The following ANKRD44 variants were observed in gnomAD, a reference collection of about 807,000 sequenced individuals.
ANKRD44 encodes ankyrin repeat domain 44, also known as serine/threonine-protein phosphatase 6 regulatory ankyrin repeat subunit B.
In ANKRD44, 35 loss-of-function variants were observed where a neutral mutation model predicts 116.0. The observed-to-expected ratio is 0.30, with a 90% confidence interval of 0.23 to 0.40. ANKRD44 has a LOEUF of 0.40. Ranked by LOEUF, ANKRD44 falls within the 10% of genes least tolerant of loss-of-function variation. The pLI is 1.00. For synonymous variants in ANKRD44, 435 were observed against 461.8 expected (o/e 0.94, Z 0.74); for missense variants, 1,014 against 1,242.6 (o/e 0.82, Z 2.77).
intron 16 of ANKRD44, among the ~76,000 whole-genome samples, chr2:197,072,248 A>C (rs1275086633): frequency 1.3e-5 from 2 of 152,204 alleles, no homozygotes; most frequent in Non-Finnish European, 2.9e-5. Flanking sequence ...AAGTTTCCAC[A>C]TCAGAAGCAA....
At chr2:197,263,334 T>C (rs1244729048) in intron 1 of ANKRD44, 5 of 538,670 alleles carry the variant, frequency 9.3e-6, no homozygotes, top group African/African-American at 7.1e-5. Context: ...GCCAAGTTCA[T>C]TGGGGCTGGG....
rs532660229 is a variant in ANKRD44 at position 196,995,302 on chromosome 2, C to T, written c.2831+77G>A. Reference sequence around the variant, plus strand: ...TGTGCTCCCCAGAGCTAGTCTGGCACACAGCAGGCTCTTAATACTTATTGA... The same window carrying T: ...TGTGCTCCCCAGAGCTAGTCTGGCATACAGCAGGCTCTTAATACTTATTGA... On this transcript the variant is annotated intron_variant, in intron 26 of 27. Transcript: ENST00000282272. The T allele has an allele frequency of 4.8e-6, 5 of 1,047,196 alleles. No individual in the cohort carries two copies. In the East Asian group the frequency reaches 1.2e-4, roughly 25 times the overall value. The allele number at this position is 1,047,196 out of a possible 1,614,324, so 64.9% of individuals were successfully genotyped here.
At chr2:197,019,941 T>G (rs2076465597) in intron 17 of ANKRD44, among the ~76,000 whole-genome samples, 1 of 151,964 alleles carries the variant, frequency 6.6e-6, no homozygotes, top group South Asian at 2.1e-4. Flanking sequence ...AGATTACAGG[T>G]GCACGCCACC....
chr2:197,244,886 T>G (rs950089432), intron 1 of ANKRD44, among the ~76,000 whole-genome samples: 1 of 152,258 alleles, frequency 6.6e-6, no homozygotes, highest in Admixed American at 6.5e-5. Flanking sequence ...GAATTTACAG[T>G]TGGCCCTCCA....
At chr2:197,276,895 T>C in intron 1 of ANKRD44, among the ~76,000 whole-genome samples, 1 of 151,546 alleles carries the variant, frequency 6.6e-6, no homozygotes, top group Non-Finnish European at 1.5e-5. Context: ...GCCTGTCTCA[T>C]AAGGATGCTC....
At chr2:197,221,230 G>A (rs1427167064) in intron 1 of ANKRD44, among the ~76,000 whole-genome samples, 2 of 147,792 alleles carry the variant, frequency 1.4e-5, no homozygotes, top group East Asian at 2.0e-4. Flanking sequence ...CAGCCTGGGT[G>A]ACAAAGTGAG....
At chr2:197,118,615 A>AAGAAAGAG (rs1553512529) in intron 8 of ANKRD44, among the ~76,000 whole-genome samples, 903 of 76,420 alleles carry the variant, frequency 0.012, 4 homozygotes, top group Non-Finnish European at 0.018. Flanking sequence ...GAGAGAAAGA[A>AAGAAAGAG]AGAGAGAGAG....
At chr2:197,310,117 C>G (rs952502729) in intron 1 of ANKRD44, among the ~76,000 whole-genome samples, 2 of 152,222 alleles carry the variant, frequency 1.3e-5, no homozygotes, top group Non-Finnish European at 2.9e-5. Flanking sequence ...CCCGGCCACA[C>G]AAGAGCCGCA....
intron 16 of ANKRD44, among the ~76,000 whole-genome samples, chr2:197,056,388 G>C (rs547441125): frequency 6.6e-6 from 1 of 151,786 alleles, no homozygotes; most frequent in Non-Finnish European, 1.5e-5. Context: ...GTTTTTCTAC[G>C]TATTGAAACA....
At chr2:197,280,367 G>A (rs1294955779) in intron 1 of ANKRD44, among the ~76,000 whole-genome samples, 4 of 152,202 alleles carry the variant, frequency 2.6e-5, no homozygotes, top group African/African-American at 9.7e-5. Flanking sequence ...TCGGGAAACT[G>A]CTCGTAACAA....
At chr2:197,118,247 A>T (rs1419427115) in intron 8 of ANKRD44, among the ~76,000 whole-genome samples, 7 of 151,818 alleles carry the variant, frequency 4.6e-5, no homozygotes, top group African/African-American at 1.7e-4. Flanking sequence ...ATAATTTTTT[A>T]AAATTCTCAT....
At chr2:197,238,829 C>T (rs1177470047) in intron 1 of ANKRD44, among the ~76,000 whole-genome samples, 2 of 151,986 alleles carry the variant, frequency 1.3e-5, no homozygotes, top group South Asian at 4.1e-4. Flanking sequence ...CTCAGCCTCC[C>T]GGGTAGCTGG....
intron 27 of ANKRD44, among the ~76,000 whole-genome samples, chr2:196,993,297 C>T (rs549491991): frequency 2.8e-4 from 42 of 152,346 alleles, no homozygotes; most frequent in Admixed American, 5.2e-4. Context: ...CAACTTGAAA[C>T]TCTTAGTGTG....
At position 197,026,058 on chromosome 2, in the gene ANKRD44, A is replaced by AAAAC. The variant is rs1553489135; in HGVS notation, c.1651-795_1651-792dup. On this transcript the variant is annotated intron_variant, in intron 16 of 27. Coordinates refer to ENST00000282272, the MANE Select transcript of ANKRD44 (RefSeq NM_001195144.2). ...GAGATAAAAAGAAACAAAAAAAAAA[A>AAAAC]AAACACCTTTCTGGGCAATTTGTGC... Among the ~76,000 whole-genome samples the AAAAC allele has an allele frequency of 5.3e-4, 80 of 151,930 alleles. 1 individual carries two copies. The highest frequency in any genetic ancestry group is 1.7e-3 in the African/African-American group (69 of 41,504).
chr2:197,161,192 T>C (rs912724335), intron 2 of ANKRD44, among the ~76,000 whole-genome samples: 1 of 151,996 alleles, frequency 6.6e-6, no homozygotes, highest in Non-Finnish European at 1.5e-5. Flanking sequence ...ACACGAGTGC[T>C]CCCAGAATTG....
intron 16 of ANKRD44, among the ~76,000 whole-genome samples, chr2:197,039,522 T>C (rs1481881440): frequency 6.6e-6 from 1 of 152,202 alleles, no homozygotes; most frequent in Admixed American, 6.5e-5. Context: ...CTATTTAACT[T>C]CTAATTTTGC....
intron 1 of ANKRD44, among the ~76,000 whole-genome samples, chr2:197,259,201 C>T (rs1043101589): frequency 6.6e-6 from 1 of 152,118 alleles, no homozygotes; most frequent in African/African-American, 2.4e-5. Context: ...GCAGGATGGT[C>T]CCAGGACTCT....
intron 2 of ANKRD44, among the ~76,000 whole-genome samples, chr2:197,167,513 C>T (rs1294687265): frequency 6.6e-6 from 1 of 152,128 alleles, no homozygotes; most frequent in East Asian, 1.9e-4. Context: ...TCGAAGACTT[C>T]CCAGAACCCA....
intron 16 of ANKRD44, among the ~76,000 whole-genome samples, chr2:197,037,887 G>A (rs765022028): frequency 6.6e-6 from 1 of 152,018 alleles, no homozygotes; most frequent in Non-Finnish European, 1.5e-5. Flanking sequence ...GGCTGTAGTG[G>A]GCCATGATCA....
Sources: allele counts gnomAD v4.1 joint callset (sites outside exome capture counted in the v4.1 genomes callset), GRCh38; gene constraint gnomAD v4.1.1; transcripts MANE v1.5; gene names NCBI Gene and HGNC (gene_info 2026-07-23, HGNC 2026-07-21).